CD1B: variants seen among roughly 807,000 people sequenced by gnomAD.
CD1B encodes the protein CD1b molecule, also known as T-cell surface glycoprotein CD1b.
In CD1B, 43 loss-of-function variants were observed where a neutral mutation model predicts 39.8. The ratio of observed to expected loss-of-function variants is 1.08; its 90% CI spans 0.85 to 1.39. The LOEUF is 1.39. CD1B is among the 40% of genes most tolerant of loss of function. The probability of loss-of-function intolerance (pLI) is 0.00; values close to 1 mark genes in which losing one functional copy is unlikely to be tolerated. For synonymous variants in CD1B, 192 were observed against 152.5 expected (o/e 1.26, Z -1.91); for missense variants, 495 against 403.8 (o/e 1.23, Z -1.94).
At chr1:158,319,591 C>T in the CD1B span, among the ~76,000 whole-genome samples, 1 of 152,122 alleles carries the variant, frequency 6.6e-6, no homozygotes, top group African/African-American at 2.4e-5. Flanking sequence ...TTTTCAACTT[C>T]TTTGCCTTTG....
the CD1B span, chr1:158,292,269 G>A: frequency 4.3e-6 from 7 of 1,614,086 alleles, no homozygotes; most frequent in Middle Eastern, 1.6e-4. Flanking sequence ...TCAGTATGAA[G>A]GCGTCACAGA....
chr1:158,309,584 A>G, the CD1B span, among the ~76,000 whole-genome samples: 1 of 152,206 alleles, frequency 6.6e-6, no homozygotes, highest in East Asian at 1.9e-4. Context: ...ACCAACCCAA[A>G]TGTCTAACAA....
the CD1B span, among the ~76,000 whole-genome samples, chr1:158,285,750 C>G: frequency 1.3e-5 from 2 of 152,260 alleles, no homozygotes; most frequent in South Asian, 4.1e-4. Context: ...TCATAGCTCT[C>G]AGACTGGGAC....
chr1:158,311,946 C>T, the CD1B span, among the ~76,000 whole-genome samples: 7 of 151,990 alleles, frequency 4.6e-5, no homozygotes, highest in African/African-American at 7.2e-5. Flanking sequence ...TACAGATTTG[C>T]CCTTTTTGCT....
chr1:158,296,440 G>A, the CD1B span, among the ~76,000 whole-genome samples: 1 of 152,050 alleles, frequency 6.6e-6, no homozygotes, highest in Non-Finnish European at 1.5e-5. Flanking sequence ...AAAGCAAAAG[G>A]CCCCATCAAA....
chr1:158,291,312 G>C, the CD1B span: 1 of 1,613,986 alleles, frequency 6.2e-7, no homozygotes, highest in Non-Finnish European at 8.5e-7. Flanking sequence ...GCAATGAAGA[G>C]TTGTCAGACC....
chr1:158,330,717 T>C (rs1422554699), intron 2 of CD1B, 79 bp downstream of exon 2: 1 of 1,382,804 alleles, frequency 7.2e-7, no homozygotes, highest in East Asian at 2.3e-5. Flanking sequence ...GGGAGAAGCA[T>C]CAGAGAGAGC....
At chr1:158,291,619 T>G in the CD1B span, among the ~76,000 whole-genome samples, 2 of 152,194 alleles carry the variant, frequency 1.3e-5, no homozygotes, top group East Asian at 1.9e-4. Context: ...ATCTTCCACC[T>G]GTGGTCTCCC....
chr1:158,303,949 A>G, the CD1B span, among the ~76,000 whole-genome samples: 9 of 152,144 alleles, frequency 5.9e-5, no homozygotes, highest in African/African-American at 2.2e-4. Context: ...ATCAAAAAAG[A>G]GTCTGGGGGG....
At chr1:158,293,858 T>C in the CD1B span, among the ~76,000 whole-genome samples, 2 of 152,206 alleles carry the variant, frequency 1.3e-5, no homozygotes, top group Admixed American at 1.3e-4. Flanking sequence ...CTTTCCTGCA[T>C]ATGATAGGCT....
the CD1B span, among the ~76,000 whole-genome samples, chr1:158,304,566 T>C: frequency 6.6e-6 from 1 of 152,192 alleles, no homozygotes; most frequent in Non-Finnish European, 1.5e-5. Flanking sequence ...TAAATGTTCC[T>C]GTCTGACAGC....
At chr1:158,304,415 G>A in the CD1B span, among the ~76,000 whole-genome samples, 1 of 152,278 alleles carries the variant, frequency 6.6e-6, no homozygotes, top group South Asian at 2.1e-4. Flanking sequence ...CATTGCCTAG[G>A]CTTGAGTAGG....
the CD1B span, among the ~76,000 whole-genome samples, chr1:158,309,317 A>T: frequency 1.3e-5 from 2 of 152,226 alleles, no homozygotes; most frequent in Non-Finnish European, 1.5e-5. Context: ...GCGATCATTA[A>T]AAGGTCAGGA....
intron 2 of CD1B, 91 bp downstream of exon 2, chr1:158,330,705 A>C (rs750827552): frequency 7.9e-7 from 1 of 1,272,700 alleles, no homozygotes. Flanking sequence ...AATAGAAAGG[A>C]AGGGAGAAGC....
downstream of CD1B, among the ~76,000 whole-genome samples, chr1:158,327,740 G>GTCTTCC (rs1652407338): frequency 6.6e-6 from 1 of 152,192 alleles, no homozygotes; most frequent in Non-Finnish European, 1.5e-5. Flanking sequence ...CACTAGGAAA[G>GTCTTCC]TCTTCCTGAG....
At chr1:158,299,081 T>A in the CD1B span, among the ~76,000 whole-genome samples, 1 of 152,180 alleles carries the variant, frequency 6.6e-6, no homozygotes, top group Non-Finnish European at 1.5e-5. Context: ...GAGGGCATCC[T>A]TGTCTTGTGC....
At chr1:158,301,122 T>G in the CD1B span, among the ~76,000 whole-genome samples, 2 of 152,006 alleles carry the variant, frequency 1.3e-5, no homozygotes, top group Non-Finnish European at 2.9e-5. Flanking sequence ...CCCTGCTTTT[T>G]TTTTGCTTTC....
the CD1B span, among the ~76,000 whole-genome samples, chr1:158,319,920 C>T: frequency 0.12 from 17,886 of 151,650 alleles, 1,371 homozygotes; most frequent in East Asian, 0.39. Flanking sequence ...AGTACCCTGC[C>T]GTGTGAGGTG....
chr1:158,315,754 T>A, the CD1B span, among the ~76,000 whole-genome samples: 1 of 152,084 alleles, frequency 6.6e-6, no homozygotes, highest in Admixed American at 6.5e-5. Flanking sequence ...CTGAATGGTA[T>A]TGCCTAGGTT....
Sources: allele counts gnomAD v4.1 joint callset (sites outside exome capture counted in the v4.1 genomes callset), GRCh38; gene constraint gnomAD v4.1.1; transcripts MANE v1.5; gene names NCBI Gene and HGNC (gene_info 2026-07-23, HGNC 2026-07-21).